The following COL20A1 variants were observed in gnomAD, a reference collection of about 807,000 sequenced individuals.
COL20A1 encodes the protein collagen alpha-1(XX) chain.
In COL20A1, 164 loss-of-function variants were observed where a neutral mutation model predicts 152.9. The observed-to-expected ratio is 1.07, with a 90% CI of 0.94 to 1.22. COL20A1 has a LOEUF of 1.22. COL20A1 is among the 50% of genes most tolerant of loss of function. The pLI is 0.00. For synonymous variants in COL20A1, 864 were observed against 756.0 expected, an observed-to-expected ratio of 1.14 and a Z score of -2.34; for missense variants, 1,873 against 1,744.8, an observed-to-expected ratio of 1.07 and a Z score of -1.31.
At chr20:63,304,121 C>A (rs2067892678) in intron 3 of COL20A1, among the ~76,000 whole-genome samples, 1 of 148,766 alleles carries the variant, frequency 6.7e-6, no homozygotes, top group Non-Finnish European at 1.5e-5. Flanking sequence ...GTGTGGGTTC[C>A]TCCCTCCTCT....
At chr20:63,318,355 G>C (rs1417413229) in intron 21 of COL20A1, among the ~76,000 whole-genome samples, 1 of 151,390 alleles carries the variant, frequency 6.6e-6, no homozygotes, top group Non-Finnish European at 1.5e-5. Context: ...ATGGAAGACA[G>C]ATAGGAGGCT....
At chr20:63,296,673 A>G (rs1231566444) in intron 2 of COL20A1, among the ~76,000 whole-genome samples, 2 of 152,192 alleles carry the variant, frequency 1.3e-5, no homozygotes, top group Non-Finnish European at 2.9e-5. Context: ...AGAGTGGAGC[A>G]ACAGAAGGCT....
At chr20:63,329,194 C>G (rs905250258) in intron 34 of COL20A1, 1 of 219,826 alleles carries the variant, frequency 4.5e-6, no homozygotes, top group South Asian at 8.1e-5. Context: ...GGGGGAGCCC[C>G]GTGGGCTGTG....
chr20:63,325,212 A>G (rs1183772119), intron 27 of COL20A1: 2 of 679,246 alleles, frequency 2.9e-6, no homozygotes, highest in African/African-American at 3.5e-5. Flanking sequence ...CAGAGGGGCC[A>G]CAGGAGGGGT....
intron 3 of COL20A1, among the ~76,000 whole-genome samples, chr20:63,302,630 G>A (rs1280175648): frequency 1.3e-5 from 2 of 152,168 alleles, no homozygotes; most frequent in Non-Finnish European, 2.9e-5. Flanking sequence ...CTTGATGCAT[G>A]TCTTTTACAA....
intron 9 of COL20A1, 98 bp downstream of exon 9, chr20:63,309,595 G>A (rs563661793): frequency 9.3e-6 from 12 of 1,287,806 alleles, no homozygotes; most frequent in Admixed American, 5.7e-5. Context: ...ACCTGAGGCC[G>A]GCTCCTGTGG....
intron 2 of COL20A1, among the ~76,000 whole-genome samples, chr20:63,295,643 C>CACGT (rs2067782046): frequency 6.6e-6 from 1 of 152,218 alleles, no homozygotes; most frequent in Non-Finnish European, 1.5e-5. Context: ...GCGACAGCAC[C>CACGT]ACGTCCTCAG....
chr20:63,323,103 C>T (rs1412398012), intron 27 of COL20A1, among the ~76,000 whole-genome samples: 1 of 152,270 alleles, frequency 6.6e-6, no homozygotes, highest in African/African-American at 2.4e-5. Context: ...TTGGGAGCCG[C>T]GTCTGATAGA....
At chr20:63,298,091 A>G in intron 3 of COL20A1, 71 bp downstream of exon 3, 7 of 1,029,816 alleles carry the variant, frequency 6.8e-6, no homozygotes, top group African/African-American at 1.6e-5. Context: ...TGGTGGCCGC[A>G]GCCACCACTC....
chr20:63,319,882 G>A lies in COL20A1; in HGVS notation c.2917-157G>A, dbSNP rs1048783910. On this transcript the variant is annotated intron_variant, in intron 23 of 35. Transcript: ENST00000358894. This position sits in a 1 kb window ranked among gnomAD's most constrained non-coding sequence, Gnocchi z 4.4. Reference sequence around the variant, plus strand: ...GGGAAGCCGAGGCCCAGCAAGGGGGGGTTCTCCCAGGGTCCCCCGAAACCT... The same window carrying A: ...GGGAAGCCGAGGCCCAGCAAGGGGGAGTTCTCCCAGGGTCCCCCGAAACCT... 1.3e-5 allele frequency among the ~76,000 whole-genome samples: 2 copies of A among 152,144 alleles called. No individual in the cohort carries two copies. The highest frequency in any genetic ancestry group is 4.8e-5 in the African/African-American group (2 of 41,448).
rs1489374002 is a variant in COL20A1, at chr20:63,328,217, A to G, written c.3613+90A>G. On this transcript the variant is annotated intron_variant, in intron 33 of 35. Transcript: ENST00000358894. ...GTCCTCACACTGGCCAGGCCGAGGG[A>G]GGCCGCCTTCACCCATCGTTAGCAC... 36 of 1,568,974 alleles carry G rather than the reference A, an allele frequency of 2.3e-5. No individual in the cohort carries two copies. The Admixed American group carries it at 6.3e-4, about 28-fold the overall frequency.
In COL20A1 at chr20:63,319,006, T is replaced by C. The variant is rs1432767516; in HGVS notation, c.2664-52T>C. 3 of 1,502,224 alleles carry C rather than the reference T, an allele frequency of 2.0e-6. No homozygotes were observed. The highest frequency in any genetic ancestry group is 1.4e-5 in the African/African-American group (1 of 72,964). The allele number at this position is 1,502,224 out of a possible 1,614,324, so 93.1% of individuals were successfully genotyped here. A position where few individuals can be genotyped will look rare whatever the true frequency, so the allele number is the denominator to read the frequency against. On this transcript the variant is annotated intron_variant, in intron 21 of 35. Coordinates refer to ENST00000358894, the MANE Select transcript of COL20A1 (RefSeq NM_020882.4). The surrounding 1 kb of genome is among the most constrained non-coding windows in gnomAD (Gnocchi z 4.4). ...GGGCGAGCGGATCGTTCTGCCAGGT[T>C]TGGCTGCCCTTGGGTCTGCTCATGT... is the stretch of plus-strand genomic sequence containing the variant.
intron 3 of COL20A1, among the ~76,000 whole-genome samples, chr20:63,302,812 G>C (rs757532564): frequency 3.9e-5 from 6 of 152,216 alleles, no homozygotes; most frequent in Non-Finnish European, 7.3e-5. Context: ...TCTCTTGCCA[G>C]TGGCATCTTT....
Position 63,302,839 on chromosome 20 carries a change from C to T in COL20A1, c.194-2578C>T, listed in dbSNP as rs180806405. On this transcript the variant is annotated intron_variant, in intron 3 of 35. Coordinates refer to ENST00000358894, the MANE Select transcript of COL20A1 (RefSeq NM_020882.4). Reference sequence around the variant, plus strand: ...GGCATCTTTGGGGAGCCGTTTAGCTCGCTCCTTCGTCTCTCCACCCTGTCT... The same window carrying T: ...GGCATCTTTGGGGAGCCGTTTAGCTTGCTCCTTCGTCTCTCCACCCTGTCT... Among the ~76,000 whole-genome samples, 89 of 152,294 alleles carry T rather than the reference C, an allele frequency of 5.8e-4. No individual in the cohort carries two copies. In the East Asian group the frequency reaches 0.014, roughly 24 times the overall value.
chr20:63,321,075 GC>G lies in COL20A1; in HGVS notation c.3221del (p.Pro1074GlnfsTer63). 1 of 1,601,126 alleles carries G rather than the reference GC, an allele frequency of 6.2e-7. No homozygotes were observed. The highest frequency in any genetic ancestry group is 8.5e-7 in the Non-Finnish European group (1 of 1,174,516). On this transcript the variant is annotated frameshift_variant, in exon 26 of 36. Transcript: ENST00000358894. LOFTEE classifies it high-confidence loss of function. ...ACSCSSETPG[P>X]PGPQGPPGLP... is the part of the protein sequence containing the mutation. ...GTTCCTGTTCCTCAGAGACCCCTGGGCCCCCAGGACCTCAAGGACCCCCAGT... is the reference window on the plus strand; with the variant it reads ...GTTCCTGTTCCTCAGAGACCCCTGGGCCCCAGGACCTCAAGGACCCCCAGT...
chr20:63,333,250 A>C lies in COL20A1; in HGVS notation c.*2534A>C, dbSNP rs934259298. On this transcript the variant is annotated 3_prime_UTR_variant, in exon 36 of 36. Transcript: ENST00000358894. ...AGGGAGGTGCTTGGTCTTGGCCCAG[A>C]GCTCATGGCCTTAGGTGCTGCCCCC... The C allele has an allele frequency of 1.3e-5, 2 of 152,392 alleles. No homozygotes were observed. The highest frequency in any genetic ancestry group is 2.9e-5 in the Non-Finnish European group (2 of 68,274). The allele number at this position is 152,392 out of a possible 1,614,324, so 9.4% of individuals were successfully genotyped here.
intron 34 of COL20A1, 84 bp from the exon 35 acceptor site, chr20:63,329,501 G>A (rs953142803): frequency 9.4e-7 from 1 of 1,058,712 alleles, no homozygotes; most frequent in South Asian, 1.3e-5. Context: ...CCAGGGAGGG[G>A]CCCTGACACC....
rs753032786 is a variant in COL20A1 at position 63,307,549 on chromosome 20, G to A, written c.556G>A (p.Gly186Arg). Residue 186 changes from glycine (G) to arginine (R), a missense_variant, in exon 6 of 36, where the codon GGG (glycine) becomes AGG (arginine). Physicochemically the swap from Gly to Arg is moderately radical, Grantham distance 125 (BLOSUM62 -2). Coordinates refer to ENST00000358894, the MANE Select transcript of COL20A1 (RefSeq NM_020882.4). Reference protein sequence around the residue: ...VPADMVFLVDGSWSIGHSHFQ... With the variant: ...VPADMVFLVDRSWSIGHSHFQ... ...TGCTGACATGGTCTTCCTGGTGGAC[G>A]GGTCCTGGAGCATTGGCCACAGTCA... The A allele has an allele frequency of 1.5e-5, 24 of 1,612,434 alleles. No homozygotes were observed. The East Asian group carries it at 1.8e-4, about 12-fold the overall frequency.
chr20:63,295,927 G>A (rs1015123731), intron 2 of COL20A1, among the ~76,000 whole-genome samples: 5 of 152,270 alleles, frequency 3.3e-5, no homozygotes, highest in Non-Finnish European at 5.9e-5. Flanking sequence ...GGGAGGTTCC[G>A]GGCTCCCACT....
Sources: allele counts gnomAD v4.1 joint callset (sites outside exome capture counted in the v4.1 genomes callset), GRCh38; gene constraint gnomAD v4.1.1; non-coding constraint Gnocchi (gnomAD v3.1); transcripts MANE v1.5; gene names NCBI Gene and HGNC (gene_info 2026-07-23, HGNC 2026-07-21).